The following PRELID2 variants were observed in gnomAD, a reference collection of about 807,000 sequenced individuals.
PRELID2 encodes the protein PRELI domain containing 2.
Under a neutral mutation model 28.4 loss-of-function variants are expected in PRELID2, and 25 were observed. The ratio of observed to expected loss-of-function variants is 0.88; its 90% confidence interval spans 0.64 to 1.23. PRELID2 has a LOEUF of 1.23. PRELID2 is among the 50% of genes most tolerant of loss of function. The pLI is 0.00. For missense variants in PRELID2, 201 were observed against 214.4 expected (o/e 0.94, Z 0.39); for synonymous variants, 76 against 71.6 (o/e 1.06, Z -0.31).
At chr5:145,453,606 C>T in the PRELID2 span, among the ~76,000 whole-genome samples, 1 of 152,114 alleles carries the variant, frequency 6.6e-6, no homozygotes, top group Non-Finnish European at 1.5e-5. Flanking sequence ...CCAATGTTAT[C>T]TCACCCCTAG....
intron 1 of PRELID2, among the ~76,000 whole-genome samples, chr5:145,529,711 A>T (rs1753463152): frequency 1.3e-5 from 2 of 152,176 alleles, no homozygotes; most frequent in African/African-American, 4.8e-5. Flanking sequence ...AAACACACAC[A>T]AACAACAAAA....
At chr5:145,358,159 T>G in the PRELID2 span, among the ~76,000 whole-genome samples, 1 of 152,070 alleles carries the variant, frequency 6.6e-6, no homozygotes, top group Non-Finnish European at 1.5e-5. Context: ...GCTGTCTCAG[T>G]GCTTCTCAGG....
intron 1 of PRELID2, among the ~76,000 whole-genome samples, chr5:145,612,847 T>A (rs1753637340): frequency 6.6e-6 from 1 of 152,210 alleles, no homozygotes; most frequent in African/African-American, 2.4e-5. Context: ...AGTTTCTTTA[T>A]CCACTTGTTG....
intron 1 of PRELID2, among the ~76,000 whole-genome samples, chr5:145,529,428 G>A (rs574705001): frequency 6.6e-6 from 1 of 152,198 alleles, no homozygotes; most frequent in South Asian, 2.1e-4. Flanking sequence ...ATTTTTCAAT[G>A]GGCCACAATT....
At chr5:145,537,506 T>A (rs867099994) in intron 1 of PRELID2, among the ~76,000 whole-genome samples, 1 of 151,936 alleles carries the variant, frequency 6.6e-6, no homozygotes, top group African/African-American at 2.4e-5. Context: ...TTTTTGATAG[T>A]AGCCATTCCA....
chr5:145,627,729 C>T (rs1314268156), intron 1 of PRELID2, among the ~76,000 whole-genome samples: 1 of 152,168 alleles, frequency 6.6e-6, no homozygotes. Flanking sequence ...AACCCATCCA[C>T]AACCACTACC....
intron 1 of PRELID2, among the ~76,000 whole-genome samples, chr5:145,516,982 T>C (rs1752522750): frequency 6.6e-6 from 1 of 152,104 alleles, no homozygotes; most frequent in Non-Finnish European, 1.5e-5. Context: ...TATACAAAAA[T>C]TAACCCAAGA....
intron 1 of PRELID2, among the ~76,000 whole-genome samples, chr5:145,615,745 A>T (rs1442159061): frequency 2.0e-5 from 3 of 152,166 alleles, no homozygotes; most frequent in Non-Finnish European, 4.4e-5. Flanking sequence ...GAGATGTGAG[A>T]TACCCTTCCA....
chr5:145,819,821 G>T, intron 3 of PRELID2, 124 bp downstream of exon 3: 1 of 722,140 alleles, frequency 1.4e-6, no homozygotes, highest in Non-Finnish European at 2.4e-6. Flanking sequence ...TCCTCAGAAG[G>T]TTCTGAGGTA....
chr5:145,448,330 T>G, the PRELID2 span, among the ~76,000 whole-genome samples: 9 of 152,068 alleles, frequency 5.9e-5, no homozygotes, highest in Admixed American at 5.9e-4. Flanking sequence ...TTTGTTTTTT[T>G]CTTGTAAATT....
At chr5:145,478,574 A>T (rs922714678) in intron 1 of PRELID2, among the ~76,000 whole-genome samples, 16 of 152,156 alleles carry the variant, frequency 1.1e-4, no homozygotes, top group Admixed American at 3.9e-4. Flanking sequence ...AAAAGAAAAA[A>T]AATATAAAGT....
chr5:145,333,642 G>A, the PRELID2 span, among the ~76,000 whole-genome samples: 1 of 152,118 alleles, frequency 6.6e-6, no homozygotes, highest in East Asian at 1.9e-4. Flanking sequence ...AAGCATCCCA[G>A]GTTACTTCAG....
chr5:145,638,545 T>C (rs1376569545), intron 1 of PRELID2, among the ~76,000 whole-genome samples: 1 of 152,244 alleles, frequency 6.6e-6, no homozygotes, highest in Non-Finnish European at 1.5e-5. Context: ...GCATAAGCCA[T>C]GTCTCTCTTG....
the PRELID2 span, among the ~76,000 whole-genome samples, chr5:145,247,218 G>A: frequency 1.3e-5 from 2 of 152,084 alleles, no homozygotes; most frequent in African/African-American, 4.8e-5. Flanking sequence ...CATCTGCAAC[G>A]TGACCAATCA....
intron 1 of PRELID2, among the ~76,000 whole-genome samples, chr5:145,633,666 G>GA (rs1236054451): frequency 6.6e-6 from 1 of 152,102 alleles, no homozygotes; most frequent in Non-Finnish European, 1.5e-5. Context: ...TTTCCTAGGG[G>GA]AGACAGAAAA....
chr5:145,408,463 TA>T, the PRELID2 span, among the ~76,000 whole-genome samples: 1 of 146,176 alleles, frequency 6.8e-6, no homozygotes, highest in Non-Finnish European at 1.5e-5. Context: ...TATATATGTA[TA>T]ATATATATAT....
chr5:145,453,667 A>G, the PRELID2 span, among the ~76,000 whole-genome samples: 1 of 152,092 alleles, frequency 6.6e-6, no homozygotes, highest in Admixed American at 6.6e-5. Flanking sequence ...CCCTGTGCCC[A>G]TATGTTCACA....
the PRELID2 span, among the ~76,000 whole-genome samples, chr5:145,326,401 C>A: frequency 3.5e-4 from 53 of 152,190 alleles, no homozygotes; most frequent in Admixed American, 2.3e-3. Context: ...CAAGCTGATA[C>A]TAGAATTCAT....
the PRELID2 span, among the ~76,000 whole-genome samples, chr5:145,241,653 A>G: frequency 2.6e-5 from 4 of 152,138 alleles, no homozygotes; most frequent in East Asian, 5.8e-4. Context: ...TTGATAATAT[A>G]TGAGTCCATG....
Sources: allele counts gnomAD v4.1 joint callset (sites outside exome capture counted in the v4.1 genomes callset), GRCh38; gene constraint gnomAD v4.1.1; transcripts MANE v1.5; gene names NCBI Gene and HGNC (gene_info 2026-07-23, HGNC 2026-07-21).